SLC9A9: variants seen among roughly 807,000 people sequenced by gnomAD.
SLC9A9 encodes the protein solute carrier family 9 member A9.
Under a neutral mutation model 77.8 loss-of-function variants are expected in SLC9A9, and 62 were observed. That is an observed-to-expected ratio of 0.80 (90% CI 0.65 to 0.98). SLC9A9 has a LOEUF of 0.98. Ranked by LOEUF, SLC9A9 falls within the 50% of genes least tolerant of loss-of-function variation. The pLI, the probability that SLC9A9 is intolerant of heterozygous loss-of-function variation, is 0.00. For synonymous variants in SLC9A9, 320 were observed against 283.5 expected (o/e 1.13, Z -1.29); for missense variants, 775 against 774.9 (o/e 1.00, Z 0.00).
At chr3:143,306,597 T>G (rs1259857780) in intron 14 of SLC9A9, among the ~76,000 whole-genome samples, 1 of 152,142 alleles carries the variant, frequency 6.6e-6, no homozygotes. Context: ...CAGTGATAGG[T>G]ACATGACACA....
chr3:143,795,683 C>T (rs1171667108), intron 3 of SLC9A9, among the ~76,000 whole-genome samples: 1 of 152,148 alleles, frequency 6.6e-6, no homozygotes, highest in Admixed American at 6.5e-5. Context: ...GAGCCATAAT[C>T]GTACCATTGT....
intron 9 of SLC9A9, chr3:143,517,448 T>G (rs1437362932): frequency 6.3e-7 from 1 of 1,596,728 alleles, no homozygotes; most frequent in East Asian, 2.2e-5. Context: ...GGCTCTCTCA[T>G]GCTCCTCTTG....
chr3:143,615,284 A>C (rs370268228), intron 6 of SLC9A9, among the ~76,000 whole-genome samples: 2 of 152,330 alleles, frequency 1.3e-5, no homozygotes, highest in East Asian at 3.9e-4. Context: ...TGAGCCTTAC[A>C]ACAAAGCCTA....
At chr3:143,765,764 CTCACCCTTCCA>C (rs1254980319) in intron 4 of SLC9A9, among the ~76,000 whole-genome samples, 11 of 152,182 alleles carry the variant, frequency 7.2e-5, no homozygotes, top group Admixed American at 7.2e-4. Flanking sequence ...GCCCCACTTC[CTCACCCTTCCA>C]TCCTTTTGCC....
chr3:143,452,503 T>TAAAAAAAAAAAAA (rs58038873), intron 12 of SLC9A9, among the ~76,000 whole-genome samples: 6 of 108,874 alleles, frequency 5.5e-5, no homozygotes, highest in Non-Finnish European at 9.7e-5. Flanking sequence ...TTAAAAAGAC[T>TAAAAAAAAAAAAA]AAAAAAAAAA....
At chr3:143,639,731 G>A (rs1449383749) in intron 6 of SLC9A9, among the ~76,000 whole-genome samples, 3 of 152,132 alleles carry the variant, frequency 2.0e-5, no homozygotes, top group East Asian at 1.9e-4. Flanking sequence ...TTGTGTGAAG[G>A]ATGAGGATAA....
intron 14 of SLC9A9, among the ~76,000 whole-genome samples, chr3:143,331,290 A>G (rs1438270680): frequency 6.6e-6 from 1 of 152,214 alleles, no homozygotes; most frequent in Non-Finnish European, 1.5e-5. Flanking sequence ...GGTAAGGAGA[A>G]CATGTGCAAT....
At chr3:143,578,970 C>CA (rs2037411386) in intron 6 of SLC9A9, among the ~76,000 whole-genome samples, 4 of 152,170 alleles carry the variant, frequency 2.6e-5, no homozygotes, top group African/African-American at 9.6e-5. Context: ...TTGGAAGGGT[C>CA]ATAAAGAATA....
intron 2 of SLC9A9, among the ~76,000 whole-genome samples, chr3:143,820,228 C>G (rs1054440336): frequency 6.6e-6 from 1 of 152,156 alleles, no homozygotes; most frequent in Non-Finnish European, 1.5e-5. Context: ...TAGAGATTGG[C>G]CTTTTAACTT....
At chr3:143,358,826 T>TTGGTGAGATAAGAC (rs1376899479) in intron 14 of SLC9A9, among the ~76,000 whole-genome samples, 1 of 152,214 alleles carries the variant, frequency 6.6e-6, no homozygotes, top group East Asian at 1.9e-4. Flanking sequence ...ATCAACATGA[T>TTGGTGAGATAAGAC]TGGTGAGATA....
At chr3:143,523,880 C>T (rs888592361) in intron 9 of SLC9A9, among the ~76,000 whole-genome samples, 39 of 151,806 alleles carry the variant, frequency 2.6e-4, no homozygotes, top group African/African-American at 7.3e-4. Context: ...TTTTTAATTC[C>T]GCCATATAAG....
intron 12 of SLC9A9, among the ~76,000 whole-genome samples, chr3:143,392,816 C>T (rs1434193026): frequency 6.6e-6 from 1 of 152,172 alleles, no homozygotes; most frequent in African/African-American, 2.4e-5. Context: ...TCTGATAAAA[C>T]AGACTTTAAA....
chr3:143,670,772 A>G (rs2039143955), intron 5 of SLC9A9, among the ~76,000 whole-genome samples: 1 of 152,172 alleles, frequency 6.6e-6, no homozygotes, highest in South Asian at 2.1e-4. Context: ...CTCCCTCTTT[A>G]GACTGGGAGC....
intron 5 of SLC9A9, among the ~76,000 whole-genome samples, chr3:143,672,501 T>G (rs558073418): frequency 4.9e-4 from 75 of 152,336 alleles, no homozygotes; most frequent in African/African-American, 1.8e-3. Context: ...TGAGTAATCT[T>G]TCTCCGGTGT....
intron 6 of SLC9A9, among the ~76,000 whole-genome samples, chr3:143,646,398 C>T (rs1338166071): frequency 6.8e-6 from 1 of 147,808 alleles, no homozygotes; most frequent in African/African-American, 2.5e-5. Context: ...ATAAATTTGG[C>T]TGTGAATTTT....
rs982323839 is a variant in SLC9A9 at position 143,265,909 on chromosome 3, C to T, written c.*793G>A. 2.3e-5 allele frequency: 14 copies of T among 610,724 alleles called. No individual in the cohort carries two copies. The highest frequency in any genetic ancestry group is 2.2e-4 in the African/African-American group (12 of 54,094). The allele number at this position is 610,724 out of a possible 1,614,324, so 37.8% of individuals were successfully genotyped here. On this transcript the variant is annotated 3_prime_UTR_variant, in exon 16 of 16. Coordinates refer to ENST00000316549, the MANE Select transcript of SLC9A9 (RefSeq NM_173653.4). ...CGCGGGGAGGGGGGGACCTGCTGCA[C>T]AGCCAAGAAGTGACTCACATGCAGG...
intron 4 of SLC9A9, among the ~76,000 whole-genome samples, chr3:143,745,562 A>C (rs1222089612): frequency 2.0e-5 from 3 of 152,316 alleles, no homozygotes; most frequent in Middle Eastern, 6.8e-3. Context: ...CTAAACTCTT[A>C]AGCCCACTTA....
At chr3:143,699,825 C>T (rs1221820117) in intron 4 of SLC9A9, among the ~76,000 whole-genome samples, 1 of 152,028 alleles carries the variant, frequency 6.6e-6, no homozygotes, top group African/African-American at 2.4e-5. Context: ...GGACTGGGGG[C>T]ATGAGACCTA....
At chr3:143,342,774 T>C (rs2032145222) in intron 14 of SLC9A9, among the ~76,000 whole-genome samples, 1 of 152,256 alleles carries the variant, frequency 6.6e-6, no homozygotes. Flanking sequence ...GAGTGATCTA[T>C]TTAATCACTC....
Sources: gnomAD v4.1 joint callset for allele counts (sites outside exome capture counted in the v4.1 genomes callset) on GRCh38, gnomAD v4.1.1 for gene constraint, MANE v1.5 for transcripts, NCBI Gene and HGNC (gene_info 2026-07-23, HGNC 2026-07-21) for gene names.